Variants in SPATA17 observed in about 807,000 individuals in gnomAD.
SPATA17 encodes spermatogenesis-associated protein 17.
SPATA17 carries 53 observed loss-of-function variants against 62.2 expected under a neutral mutation model. The ratio of observed to expected loss-of-function variants is 0.85; its 90% confidence interval spans 0.68 to 1.07. The LOEUF is 1.07. SPATA17 is among the 50% of genes least tolerant of loss of function. The pLI is 0.00. For missense variants in SPATA17, 466 were observed against 425.5 expected, an observed-to-expected ratio of 1.10 and a Z score of -0.84; for synonymous variants, 146 against 146.8, an observed-to-expected ratio of 0.99 and a Z score of 0.04.
At chr1:217,737,857 G>T (rs1284230731) in intron 5 of SPATA17, 3 of 145,588 alleles carry the variant, frequency 2.1e-5, no homozygotes, top group Non-Finnish European at 4.5e-5. Context: ...ATAGAGTCTC[G>T]CTCTGTCACC....
chr1:217,812,453 A>C (rs1487418177), intron 9 of SPATA17, among the ~76,000 whole-genome samples: 4 of 152,148 alleles, frequency 2.6e-5, no homozygotes, highest in Non-Finnish European at 5.9e-5. Flanking sequence ...ATAATTTTTG[A>C]AAGTGTGAAA....
intron 5 of SPATA17, among the ~76,000 whole-genome samples, chr1:217,689,962 G>C (rs1256281948): frequency 1.3e-5 from 2 of 150,716 alleles, no homozygotes; most frequent in East Asian, 3.9e-4. Flanking sequence ...GCAGTGCAAT[G>C]GCACAATCTC....
rs61324067 is a variant in SPATA17 at position 217,748,302 on chromosome 1, CA to C, written c.519+6221del. On this transcript the variant is annotated intron_variant, in intron 6 of 10. Transcript: ENST00000366933. ...TGGGCAACAGAGCGAGACTCCATCT[CA>C]AAAAAAAAAAAAAAAATTAACTTGA... Among the ~76,000 whole-genome samples, 405 of 106,196 alleles carry C rather than the reference CA, an allele frequency of 3.8e-3. 1 individual carries two copies. Among genetic ancestry groups the C allele is most frequent in the African/African-American group, 0.012 (304 of 25,042 alleles). The allele number at this position is 106,196 out of a possible 152,430, so 69.7% of individuals were successfully genotyped here.
intron 4 of SPATA17, among the ~76,000 whole-genome samples, chr1:217,682,364 C>CAA (rs528838455): frequency 8.2e-6 from 1 of 122,302 alleles, no homozygotes; most frequent in Non-Finnish European, 1.7e-5. Flanking sequence ...TCCTCTCATC[C>CAA]AAAAAAAAAA....
intron 3 of SPATA17, among the ~76,000 whole-genome samples, chr1:217,662,477 A>T (rs998960362): frequency 6.6e-6 from 1 of 152,174 alleles, no homozygotes; most frequent in Non-Finnish European, 1.5e-5. Flanking sequence ...AAGAGAAATT[A>T]TTCAAATTAT....
At chr1:217,761,738 TA>T (rs1673177326) in intron 6 of SPATA17, among the ~76,000 whole-genome samples, 1 of 151,896 alleles carries the variant, frequency 6.6e-6, no homozygotes, top group African/African-American at 2.4e-5. Flanking sequence ...CAAGGATCAG[TA>T]AAATAGTGAC....
rs1474239862 is a variant in SPATA17 at position 217,651,187 on chromosome 1, A to G, written c.240+9A>G. The G allele has an allele frequency of 6.3e-7, 1 of 1,581,656 alleles. No individual in the cohort carries two copies. The highest frequency in any genetic ancestry group is 2.2e-5 in the East Asian group (1 of 44,536). On this transcript the variant is annotated intron_variant, in intron 3 of 10. Coordinates refer to ENST00000366933, the MANE Select transcript of SPATA17 (RefSeq NM_138796.4). ...ATCAACTAACTGTGCAGGTAAATAT[A>G]AAATGTACATATGTTAGCATTTGAA...
intron 5 of SPATA17, among the ~76,000 whole-genome samples, chr1:217,728,333 A>G (rs1672318154): frequency 6.6e-6 from 1 of 152,152 alleles, no homozygotes; most frequent in African/African-American, 2.4e-5. Context: ...ATCTCATTCA[A>G]TTTTCACAAC....
rs1277443755 is a variant in SPATA17, at chr1:217,705,249, T to C, written c.395+21888T>C. ...GTCCTTTGCCCACTTTTCATTGGGA[T>C]TGTTTGTTTTTTCCTTGTTGATTTG... On this transcript the variant is annotated intron_variant, in intron 5 of 10. Transcript: ENST00000366933. Among the ~76,000 whole-genome samples, 26 of 151,268 alleles carry C rather than the reference T, an allele frequency of 1.7e-4. 1 individual carries two copies. The highest frequency in any genetic ancestry group is 1.7e-3 in the Admixed American group (26 of 15,180).
At chr1:217,645,076 G>A (rs61828893) in intron 1 of SPATA17, among the ~76,000 whole-genome samples, 3 of 151,682 alleles carry the variant, frequency 2.0e-5, no homozygotes, top group African/African-American at 4.8e-5. Context: ...TTAAAAAAAG[G>A]GCAACAGAGA....
At chr1:217,689,193 A>G (rs1409703063) in intron 5 of SPATA17, among the ~76,000 whole-genome samples, 1 of 150,252 alleles carries the variant, frequency 6.7e-6, no homozygotes, top group East Asian at 2.0e-4. Context: ...CAATATAATC[A>G]TCACAAATCA....
intron 9 of SPATA17, chr1:217,850,577 G>A (rs1214566399): frequency 6.3e-7 from 1 of 1,596,256 alleles, no homozygotes; most frequent in Non-Finnish European, 8.6e-7. Context: ...TGGTGTCACT[G>A]GGCTCCACTT....
intron 5 of SPATA17, among the ~76,000 whole-genome samples, chr1:217,714,695 C>T (rs1370149750): frequency 6.6e-6 from 1 of 151,716 alleles, no homozygotes; most frequent in Non-Finnish European, 1.5e-5. Context: ...CCGTGTTAGC[C>T]AGGATGGTCT....
At chr1:217,661,621 A>G (rs1049541305) in intron 3 of SPATA17, among the ~76,000 whole-genome samples, 1 of 151,774 alleles carries the variant, frequency 6.6e-6, no homozygotes, top group Non-Finnish European at 1.5e-5. Flanking sequence ...TTCAACTTCC[A>G]TTTTAGGCCT....
Position 217,814,571 on chromosome 1 carries a change from G to A in SPATA17, c.1005+12721G>A, listed in dbSNP as rs193294194. Among the ~76,000 whole-genome samples the A allele has an allele frequency of 4.2e-3, 641 of 152,252 alleles. 5 individuals are homozygous for A. The highest frequency in any genetic ancestry group is 6.3e-3 in the Non-Finnish European group (431 of 68,024). On this transcript the variant is annotated intron_variant, in intron 9 of 10. Coordinates refer to ENST00000366933, the MANE Select transcript of SPATA17 (RefSeq NM_138796.4). ...CCTGAAGTTTCTAAGTCTCAGACCA[G>A]GTGCAATGGCTCACTCCTGTAATCC...
In SPATA17 at chr1:217,868,308, CAAA is replaced by C. The variant is rs1477790846; in HGVS notation, c.*1290_*1292del. ...GTTGGCTGGGATTTAATTTGAAAGT[CAAA>C]GAAGTGAGTTAAAATACATATACTC... is the stretch of plus-strand genomic sequence containing the variant. On this transcript the variant is annotated 3_prime_UTR_variant, in exon 11 of 11. Transcript: ENST00000366933. The C allele has an allele frequency of 6.6e-6, 1 of 152,006 alleles. No individual in the cohort carries two copies. Among genetic ancestry groups the C allele is most frequent in the African/African-American group, 2.4e-5 (1 of 41,398 alleles). 9.4% of individuals were successfully genotyped at this position (152,006 alleles called of 1,614,324 possible).
At chr1:217,664,117 G>T (rs1009439653) in intron 3 of SPATA17, among the ~76,000 whole-genome samples, 1 of 151,948 alleles carries the variant, frequency 6.6e-6, no homozygotes, top group African/African-American at 2.4e-5. Context: ...AACGTCTGGA[G>T]CATGTTTTGA....
At position 217,752,394 on chromosome 1, in the gene SPATA17, C is replaced by A. The variant is rs1018525210; in HGVS notation, c.519+10296C>A. Among the ~76,000 whole-genome samples the A allele has an allele frequency of 2.0e-5, 3 of 152,060 alleles. No individual in the cohort carries two copies. In the South Asian group the frequency reaches 6.2e-4, roughly 32 times the overall value. ...TCAAATTTTAATGGCCTGATAATAC[C>A]CAACATCTTAAAATCTAAAAATATA... is the stretch of plus-strand genomic sequence containing the variant. On this transcript the variant is annotated intron_variant, in intron 6 of 10. Transcript: ENST00000366933.
At chr1:217,750,010 T>TATATATATATATATATATATATATAG (rs1400975905) in intron 6 of SPATA17, among the ~76,000 whole-genome samples, 1 of 132,726 alleles carries the variant, frequency 7.5e-6, no homozygotes, top group Non-Finnish European at 1.6e-5. Context: ...TATATATATA[T>TATATATATATATATATATATATATAG]ATGAGGTAGG....
Sources: allele counts gnomAD v4.1 joint callset (sites outside exome capture counted in the v4.1 genomes callset), GRCh38; gene constraint gnomAD v4.1.1; transcripts MANE v1.5; gene names NCBI Gene and HGNC (gene_info 2026-07-23, HGNC 2026-07-21).